Variants in ANKRD11 observed in about 807,000 individuals in gnomAD.
ANKRD11 encodes ankyrin repeat domain-containing protein 11.
ANKRD11 carries 17 observed loss-of-function variants against 195.7 expected under a neutral mutation model. That is an observed-to-expected ratio of 0.09 (90% CI 0.06 to 0.13). The LOEUF is 0.13. ANKRD11 is among the 10% of genes least tolerant of loss of function. The pLI, the probability that ANKRD11 is intolerant of heterozygous loss-of-function variation, is 1.00. For missense variants in ANKRD11, 3,735 were observed against 3,566.1 expected (o/e 1.05, Z -1.21); for synonymous variants, 1,953 against 1,528.1 (o/e 1.28, Z -6.49).
At chr16:89,286,374 C>G (rs1226958000) in intron 7 of ANKRD11, 188 bp from the exon 8 acceptor site, 5 of 826,346 alleles carry the variant, frequency 6.1e-6, no homozygotes, top group Non-Finnish European at 9.6e-6. Flanking sequence ...GTGGGCGAGG[C>G]TGTGGCTCCT....
intron 2 of ANKRD11, among the ~76,000 whole-genome samples, chr16:89,322,798 C>A (rs977201130): frequency 6.6e-6 from 1 of 152,262 alleles, no homozygotes; most frequent in South Asian, 2.1e-4. Context: ...GGCCTGCCTG[C>A]AGCACACGGC....
At chr16:89,334,001 G>C (rs146532034) in intron 2 of ANKRD11, among the ~76,000 whole-genome samples, 86 of 152,054 alleles carry the variant, frequency 5.7e-4, no homozygotes, top group African/African-American at 2.0e-3. Flanking sequence ...ATATATCTAA[G>C]TTTCTCAATC....
intron 3 of ANKRD11, 64 bp downstream of exon 3, chr16:89,316,869 C>T: frequency 1.3e-6 from 2 of 1,568,236 alleles, no homozygotes; most frequent in Non-Finnish European, 1.7e-6. Context: ...GGGCAGCACC[C>T]CATTCCCACC....
intron 1 of ANKRD11, among the ~76,000 whole-genome samples, chr16:89,463,264 G>T (rs901186229): frequency 1.3e-5 from 2 of 152,214 alleles, no homozygotes; most frequent in African/African-American, 4.8e-5. Context: ...TTGAGAAATC[G>T]GATGGTTGCC....
rs551433919 is a variant in ANKRD11 at position 89,303,525 on chromosome 16, G to A, written c.226+1681C>T. The stretch of plus-strand genomic sequence containing the variant: ...CCTCGGAGCTGTCCGCTGCTGGGAA[G>A]AGGAGTCCTCCTGGGCCTGTGCTGG... On this transcript the variant is annotated intron_variant, in intron 4 of 12. Coordinates refer to ENST00000301030, the MANE Select transcript of ANKRD11 (RefSeq NM_013275.6). Among the ~76,000 whole-genome samples the A allele has an allele frequency of 2.0e-5, 3 of 152,342 alleles. No homozygotes were observed. The East Asian group carries it at 5.8e-4, about 29-fold the overall frequency.
chr16:89,286,810 G>C (rs887035453), intron 7 of ANKRD11: 5 of 1,287,212 alleles, frequency 3.9e-6, no homozygotes, highest in Non-Finnish European at 5.1e-6. Context: ...CCAGCAACCT[G>C]GATTTCCTAT....
intron 2 of ANKRD11, among the ~76,000 whole-genome samples, chr16:89,411,831 CA>C (rs2042121143): frequency 6.6e-6 from 1 of 152,210 alleles, no homozygotes; most frequent in Admixed American, 6.5e-5. Context: ...GAATTCTCAG[CA>C]GAACTTGAGG....
intron 1 of ANKRD11, among the ~76,000 whole-genome samples, chr16:89,474,411 C>T (rs1260798103): frequency 6.6e-6 from 1 of 151,536 alleles, no homozygotes; most frequent in Non-Finnish European, 1.5e-5. Flanking sequence ...GAGCCCAGGA[C>T]CTTGAGACCA....
chr16:89,382,727 G>A (rs983335986), intron 2 of ANKRD11, among the ~76,000 whole-genome samples: 1 of 152,024 alleles, frequency 6.6e-6, no homozygotes, highest in African/African-American at 2.4e-5. Context: ...TAATCCTCCT[G>A]CCTCGGCCTC....
chr16:89,398,587 A>C (rs2041563358), intron 2 of ANKRD11, among the ~76,000 whole-genome samples: 1 of 152,202 alleles, frequency 6.6e-6, no homozygotes, highest in Non-Finnish European at 1.5e-5. Flanking sequence ...CAATAAAAAA[A>C]CAAAAATAGC....
chr16:89,357,443 C>CA (rs963094257), intron 2 of ANKRD11, among the ~76,000 whole-genome samples: 48 of 148,054 alleles, frequency 3.2e-4, no homozygotes, highest in African/African-American at 4.0e-4. Flanking sequence ...GTGCAACTGC[C>CA]AAAAAAAAAC....
At chr16:89,366,129 C>CAAAA (rs71387689) in intron 2 of ANKRD11, among the ~76,000 whole-genome samples, 10 of 60,428 alleles carry the variant, frequency 1.7e-4, no homozygotes, top group African/African-American at 5.6e-4. Context: ...GACTCCATCT[C>CAAAA]AAAAAAAAAA....
chr16:89,470,253 G>A (rs1359186006), intron 1 of ANKRD11, among the ~76,000 whole-genome samples: 1 of 152,052 alleles, frequency 6.6e-6, no homozygotes, highest in East Asian at 1.9e-4. Flanking sequence ...CAAAAGCGAG[G>A]AAAAATGAAG....
At chr16:89,391,206 C>A (rs1233320688) in intron 2 of ANKRD11, among the ~76,000 whole-genome samples, 1 of 137,172 alleles carries the variant, frequency 7.3e-6, no homozygotes, top group Non-Finnish European at 1.5e-5. Context: ...CCAGCCTGGG[C>A]GACAGAGCGA....
intron 2 of ANKRD11, among the ~76,000 whole-genome samples, chr16:89,351,705 A>T (rs980329066): frequency 6.6e-6 from 1 of 152,196 alleles, no homozygotes. Flanking sequence ...ACACAAAATG[A>T]CCAGAACAGC....
chr16:89,448,642 A>C (rs2043917175), intron 1 of ANKRD11, among the ~76,000 whole-genome samples: 1 of 152,262 alleles, frequency 6.6e-6, no homozygotes, highest in Non-Finnish European at 1.5e-5. Context: ...ACGCCTAATT[A>C]AAAGCAGGCA....
chr16:89,387,742 C>A (rs1021103348), intron 2 of ANKRD11, among the ~76,000 whole-genome samples: 4 of 148,828 alleles, frequency 2.7e-5, no homozygotes, highest in African/African-American at 9.9e-5. Flanking sequence ...GTAGCTTGCG[C>A]CTGTAATCCC....
rs1032705191 is a variant in ANKRD11 at position 89,268,752 on chromosome 16, G to C, written c.7807-89C>G. 2.0e-5 allele frequency: 29 copies of C among 1,460,002 alleles called. No homozygotes were observed. In the South Asian group the frequency reaches 3.7e-4, roughly 18 times the overall value. The allele number at this position is 1,460,002 out of a possible 1,614,324, so 90.4% of individuals were successfully genotyped here. ...ACCTCAGCTGCCAGCAGGGCCAAGG[G>C]CGTGATACGGCCGTGAACCTACCCT... On this transcript the variant is annotated intron_variant, in intron 12 of 12. Coordinates refer to ENST00000301030, the MANE Select transcript of ANKRD11 (RefSeq NM_013275.6).
chr16:89,281,465 G>A lies in ANKRD11; in HGVS notation c.5077C>T (p.Pro1693Ser). The change falls in exon 9 of 13, where the codon CCC becomes TCC. Residue 1693 changes from proline to serine, a missense_variant. By Grantham distance (74) the Pro-to-Ser change is moderately conservative. Coordinates refer to ENST00000301030, the MANE Select transcript of ANKRD11 (RefSeq NM_013275.6). This position sits in a 1 kb window ranked among gnomAD's most constrained non-coding sequence, Gnocchi z 5.5. Reference sequence around the variant, plus strand: ...GTGGGCCGGCTCTGGTCAGGCCTGGGGGACGCAGGCAGGACCTCTTTCATG... The same window carrying A: ...GTGGGCCGGCTCTGGTCAGGCCTGGAGGACGCAGGCAGGACCTCTTTCATG... The part of the protein sequence containing the change: ...PHMKEVLPAS[P>S]RPDQSRPTGV... 6.2e-7 allele frequency: 1 copy of A among 1,614,176 alleles called. No homozygotes were observed. The highest frequency in any genetic ancestry group is 8.5e-7 in the Non-Finnish European group (1 of 1,179,996).
Sources: gnomAD v4.1 joint callset for allele counts (sites outside exome capture counted in the v4.1 genomes callset) on GRCh38, gnomAD v4.1.1 for gene constraint, Gnocchi (gnomAD v3.1) non-coding constraint, MANE v1.5 for transcripts, NCBI Gene and HGNC (gene_info 2026-07-23, HGNC 2026-07-21) for gene names.